The following MACROD2 variants were observed in gnomAD, a reference collection of about 807,000 sequenced individuals.
MACROD2 encodes the protein mono-ADP ribosylhydrolase 2.
In MACROD2, 36 loss-of-function variants were observed where a neutral mutation model predicts 70.4. The ratio of observed to expected loss-of-function variants is 0.51; its 90% CI spans 0.39 to 0.68. The LOEUF is 0.68. MACROD2 is among the 30% of genes least tolerant of loss of function. MACROD2 has a pLI of 0.00. For missense variants in MACROD2, 496 were observed against 538.4 expected (o/e 0.92, Z 0.78); for synonymous variants, 172 against 178.8 (o/e 0.96, Z 0.30).
intron 15 of MACROD2, among the ~76,000 whole-genome samples, chr20:16,010,149 A>T (rs1028590985): frequency 2.6e-5 from 4 of 152,200 alleles, no homozygotes; most frequent in Admixed American, 1.3e-4. Context: ...CGAAAATCAC[A>T]CTTCAGAAAA....
At chr20:14,256,731 TC>T (rs2122294713) in intron 3 of MACROD2, among the ~76,000 whole-genome samples, 1 of 152,278 alleles carries the variant, frequency 6.6e-6, no homozygotes, top group East Asian at 1.9e-4. Flanking sequence ...TTCATTTTTA[TC>T]CCGTTTAAGC....
intron 3 of MACROD2, among the ~76,000 whole-genome samples, chr20:14,159,994 C>T (rs1305655470): frequency 6.6e-6 from 1 of 151,922 alleles, no homozygotes; most frequent in East Asian, 1.9e-4. Flanking sequence ...TGGTTTTTGT[C>T]CTTTATTCTG....
At chr20:15,406,263 C>A in intron 6 of MACROD2, among the ~76,000 whole-genome samples, 1 of 152,278 alleles carries the variant, frequency 6.6e-6, no homozygotes, top group East Asian at 1.9e-4. Context: ...GGGAAAGTGT[C>A]CAGCATTATT....
chr20:15,920,039 T>C (rs2065379171), intron 10 of MACROD2, among the ~76,000 whole-genome samples: 1 of 152,190 alleles, frequency 6.6e-6, no homozygotes. Context: ...ATTAGAGTGT[T>C]ATCAGTAGTC....
intron 4 of MACROD2, among the ~76,000 whole-genome samples, chr20:14,617,070 G>A (rs989634300): frequency 3.3e-5 from 5 of 152,056 alleles, no homozygotes; most frequent in South Asian, 2.1e-4. Flanking sequence ...AAATTTGTTG[G>A]AGAGTTCCTA....
intron 8 of MACROD2, among the ~76,000 whole-genome samples, chr20:15,740,285 T>C (rs1273170564): frequency 1.3e-5 from 2 of 152,188 alleles, no homozygotes; most frequent in Non-Finnish European, 2.9e-5. Flanking sequence ...CTGTGAGCCC[T>C]GGAGGAAAAG....
intron 2 of MACROD2, among the ~76,000 whole-genome samples, chr20:14,066,180 T>C (rs1195697447): frequency 1.3e-5 from 2 of 152,254 alleles, no homozygotes; most frequent in Non-Finnish European, 2.9e-5. Flanking sequence ...GTTATAGCTT[T>C]GTATGTGATA....
At chr20:14,332,490 AT>A (rs1302931776) in intron 3 of MACROD2, among the ~76,000 whole-genome samples, 6 of 152,166 alleles carry the variant, frequency 3.9e-5, no homozygotes, top group African/African-American at 1.4e-4. Context: ...ATGAAGCTGT[AT>A]AATAGTAGTG....
chr20:15,161,396 A>G (rs1383742246), intron 5 of MACROD2, among the ~76,000 whole-genome samples: 2 of 150,334 alleles, frequency 1.3e-5, no homozygotes, highest in African/African-American at 4.9e-5. Flanking sequence ...ATAATATAGT[A>G]TAATTAATAA....
chr20:15,484,390 A>C (rs2047139109), intron 7 of MACROD2, among the ~76,000 whole-genome samples: 1 of 152,174 alleles, frequency 6.6e-6, no homozygotes, highest in African/African-American at 2.4e-5. Context: ...GTACCTCTGA[A>C]CTGTGAACAT....
At chr20:14,958,359 A>C (rs572903623) in intron 5 of MACROD2, among the ~76,000 whole-genome samples, 1 of 152,180 alleles carries the variant, frequency 6.6e-6, no homozygotes, top group Non-Finnish European at 1.5e-5. Flanking sequence ...CAGATTTTCA[A>C]ACATACAAAT....
At chr20:14,872,097 T>G (rs2073495331) in intron 5 of MACROD2, among the ~76,000 whole-genome samples, 1 of 151,934 alleles carries the variant, frequency 6.6e-6, no homozygotes, top group Non-Finnish European at 1.5e-5. Flanking sequence ...CCACTGACAA[T>G]ATTCGACAGA....
At chr20:15,762,416 A>G (rs943274297) in intron 8 of MACROD2, among the ~76,000 whole-genome samples, 6 of 152,196 alleles carry the variant, frequency 3.9e-5, no homozygotes, top group Non-Finnish European at 5.9e-5. Flanking sequence ...TAAAAGATGC[A>G]TAGGTGGGCT....
chr20:15,063,385 T>C (rs1041008349), intron 5 of MACROD2, among the ~76,000 whole-genome samples: 2 of 152,200 alleles, frequency 1.3e-5, no homozygotes, highest in Non-Finnish European at 2.9e-5. Flanking sequence ...GTGAGGGTCA[T>C]AGAATGAAAA....
chr20:14,386,514 C>T (rs2083469498), intron 3 of MACROD2, among the ~76,000 whole-genome samples: 1 of 152,178 alleles, frequency 6.6e-6, no homozygotes, highest in Non-Finnish European at 1.5e-5. Flanking sequence ...TTGGGCCATC[C>T]CCTTAGTCAA....
At chr20:16,032,756 G>A (rs746617230) in intron 15 of MACROD2, among the ~76,000 whole-genome samples, 45 of 99,600 alleles carry the variant, frequency 4.5e-4, no homozygotes, top group Middle Eastern at 6.6e-3. Flanking sequence ...AAAGGGAGGA[G>A]GGAAGAGAGG....
chr20:14,419,136 C>A (rs2083846589), intron 3 of MACROD2, among the ~76,000 whole-genome samples: 1 of 152,024 alleles, frequency 6.6e-6, no homozygotes, highest in Non-Finnish European at 1.5e-5. Flanking sequence ...CTCACCGCAA[C>A]CTTCGCCTCC....
intron 8 of MACROD2, among the ~76,000 whole-genome samples, chr20:15,825,746 G>T (rs893436880): frequency 6.6e-6 from 1 of 151,958 alleles, no homozygotes; most frequent in Non-Finnish European, 1.5e-5. Context: ...GATTTTCTGA[G>T]GATTAGCTAT....
intron 3 of MACROD2, among the ~76,000 whole-genome samples, chr20:14,374,992 A>G (rs929971764): frequency 1.3e-5 from 2 of 152,146 alleles, no homozygotes; most frequent in Admixed American, 1.3e-4. Context: ...TGTATTTTAT[A>G]TCCAAATACC....
Sources: allele counts gnomAD v4.1 joint callset (sites outside exome capture counted in the v4.1 genomes callset), GRCh38; gene constraint gnomAD v4.1.1; transcripts MANE v1.5; gene names NCBI Gene and HGNC (gene_info 2026-07-23, HGNC 2026-07-21).